Variants in IRF2 observed in about 807,000 individuals in gnomAD.
The protein encoded by IRF2 is interferon regulatory factor 2.
A neutral mutation model predicts 40.6 loss-of-function variants in IRF2; 15 were observed. That is an observed-to-expected ratio of 0.37 (90% confidence interval 0.25 to 0.57). The LOEUF (loss-of-function observed/expected upper bound fraction) is 0.57. Among genes scored for constraint, IRF2 ranks in the 20% least tolerant of loss-of-function variants. The pLI is 0.77. For synonymous variants in IRF2, 151 were observed against 165.5 expected, an observed-to-expected ratio of 0.91 and a Z score of 0.67; for missense variants, 317 against 455.7, an observed-to-expected ratio of 0.70 and a Z score of 2.77.
At chr4:184,457,643 A>G (rs1016230237) in intron 1 of IRF2, among the ~76,000 whole-genome samples, 8 of 152,116 alleles carry the variant, frequency 5.3e-5, no homozygotes, top group Non-Finnish European at 7.4e-5. Flanking sequence ...AACTTATATA[A>G]AAGCACCTCA....
At chr4:184,468,804 G>A (rs972677349) in intron 1 of IRF2, among the ~76,000 whole-genome samples, 1 of 152,162 alleles carries the variant, frequency 6.6e-6, no homozygotes, top group African/African-American at 2.4e-5. Context: ...GGGAAAGGGG[G>A]CTACAGATAG....
rs1016383974 is a variant in IRF2, at chr4:184,413,027, C to A, written c.412-4752G>T. Among the ~76,000 whole-genome samples, 5 of 152,178 alleles carry A rather than the reference C, an allele frequency of 3.3e-5. No individual in the cohort carries two copies. Among genetic ancestry groups the A allele is most frequent in the Non-Finnish European group, 7.4e-5 (5 of 68,018 alleles). On this transcript the variant is annotated intron_variant, in intron 5 of 8. Coordinates refer to ENST00000393593, the MANE Select transcript of IRF2 (RefSeq NM_002199.4). The surrounding 1 kb of genome is among the most constrained non-coding windows in gnomAD (Gnocchi z 4.2). ...CGAAACACCCTCTCCACAAAACGAC[C>A]TGCATTCCCAACACTCGCTTCTGAA... is the stretch of plus-strand genomic sequence containing the variant.
chr4:184,435,378 G>A (rs923219709), intron 1 of IRF2, among the ~76,000 whole-genome samples: 11 of 152,202 alleles, frequency 7.2e-5, no homozygotes, highest in Non-Finnish European at 1.6e-4. Flanking sequence ...CTGTTCCAGA[G>A]ACTTCTAAAT....
intron 1 of IRF2, among the ~76,000 whole-genome samples, chr4:184,435,847 A>G (rs1738055392): frequency 6.6e-6 from 1 of 152,244 alleles, no homozygotes; most frequent in Non-Finnish European, 1.5e-5. Context: ...GCTTTGAATC[A>G]TCTCAATCCC....
chr4:184,463,273 C>G (rs1579116003), intron 1 of IRF2, among the ~76,000 whole-genome samples: 1 of 152,184 alleles, frequency 6.6e-6, no homozygotes, highest in African/African-American at 2.4e-5. Context: ...TCAGTCCTTT[C>G]AGGACTGTAC....
intron 6 of IRF2, among the ~76,000 whole-genome samples, chr4:184,405,182 T>C (rs143601457): frequency 0.023 from 3,534 of 152,230 alleles, 66 homozygotes; most frequent in Non-Finnish European, 0.032. Context: ...AGGCGGAGGT[T>C]GCAGTGAGCC....
At chr4:184,417,236 T>C (rs1737314920) in intron 5 of IRF2, among the ~76,000 whole-genome samples, 1 of 152,186 alleles carries the variant, frequency 6.6e-6, no homozygotes, top group South Asian at 2.1e-4. Context: ...GTCTCCTTCC[T>C]ATGTGCATAA....
At chr4:184,423,888 A>G (rs1003790121) in intron 2 of IRF2, among the ~76,000 whole-genome samples, 2 of 152,232 alleles carry the variant, frequency 1.3e-5, no homozygotes, top group African/African-American at 4.8e-5. Context: ...CAACTGTAAA[A>G]AGATTATTTG....
At chr4:184,429,750 C>T (rs193106308) in intron 1 of IRF2, among the ~76,000 whole-genome samples, 1 of 152,262 alleles carries the variant, frequency 6.6e-6, no homozygotes, top group Non-Finnish European at 1.5e-5. Flanking sequence ...CTGACATCAC[C>T]CCCTTTTCCT....
Position 184,408,020 on chromosome 4 carries a change from G to A in IRF2, c.529+138C>T. The A allele has an allele frequency of 6.9e-6, 4 of 576,730 alleles. No homozygotes were observed. In the South Asian group the frequency reaches 7.2e-5, roughly 10 times the overall value. The allele number at this position is 576,730 out of a possible 1,614,324, so 35.7% of individuals were successfully genotyped here. A position where few individuals can be genotyped will look rare whatever the true frequency, so the allele number is the denominator to read the frequency against. On this transcript the variant is annotated intron_variant, in intron 6 of 8. Coordinates refer to ENST00000393593, the MANE Select transcript of IRF2 (RefSeq NM_002199.4). This position sits in a 1 kb window ranked among gnomAD's most constrained non-coding sequence, Gnocchi z 4.9. ...CTTCGTTTCTCAGCCTTGAAATCTG[G>A]GGGCTGGAACTTGCATTCTGAGATG...
At chr4:184,470,710 G>GA (rs78540430) in intron 1 of IRF2, among the ~76,000 whole-genome samples, 1 of 134,514 alleles carries the variant, frequency 7.4e-6, no homozygotes, top group Non-Finnish European at 1.6e-5. Flanking sequence ...AAAAAGAAAA[G>GA]AAAAAAAAGG....
At chr4:184,471,244 T>C (rs1392523263) in intron 1 of IRF2, among the ~76,000 whole-genome samples, 2 of 152,220 alleles carry the variant, frequency 1.3e-5, no homozygotes, top group South Asian at 2.1e-4. Flanking sequence ...TTACGAGATA[T>C]AGTTAAAAAT....
chr4:184,411,076 G>A (rs1405070386), intron 5 of IRF2, among the ~76,000 whole-genome samples: 1 of 90,100 alleles, frequency 1.1e-5, no homozygotes, highest in Non-Finnish European at 2.3e-5. Flanking sequence ...TTTTTTTTTT[G>A]ACATGGGGTG....
chr4:184,424,930 C>T (rs1737614754), intron 2 of IRF2, among the ~76,000 whole-genome samples: 1 of 152,200 alleles, frequency 6.6e-6, no homozygotes, highest in South Asian at 2.1e-4. Context: ...TGTTGCTCCC[C>T]TTCAAATCCA....
At chr4:184,462,922 T>A (rs1739195132) in intron 1 of IRF2, among the ~76,000 whole-genome samples, 1 of 152,266 alleles carries the variant, frequency 6.6e-6, no homozygotes, top group Admixed American at 6.5e-5. Context: ...AATAAACTAA[T>A]ATTTATCTAG....
rs973176004 is a variant in IRF2, at chr4:184,448,288, T to C, written c.-6-19218A>G. Among the ~76,000 whole-genome samples the C allele has an allele frequency of 4.6e-5, 7 of 152,210 alleles. No homozygotes were observed. Among genetic ancestry groups the C allele is most frequent in the Non-Finnish European group, 1.0e-4 (7 of 68,038 alleles). Reference sequence around the variant, plus strand: ...CTTAAATGAAGCTGCTGGCGGTTTATTCGTCCTCCGTGCACCAGGATGGTA... The same window carrying C: ...CTTAAATGAAGCTGCTGGCGGTTTACTCGTCCTCCGTGCACCAGGATGGTA... On this transcript the variant is annotated intron_variant, in intron 1 of 8. Transcript: ENST00000393593. This position sits in a 1 kb window ranked among gnomAD's most constrained non-coding sequence, Gnocchi z 4.3.
chr4:184,441,955 C>T (rs1219172982), intron 1 of IRF2, among the ~76,000 whole-genome samples: 1 of 152,236 alleles, frequency 6.6e-6, no homozygotes, highest in South Asian at 2.1e-4. Flanking sequence ...CTCGCACAGG[C>T]AGGCCAAACT....
chr4:184,460,645 A>G (rs961401925), intron 1 of IRF2, among the ~76,000 whole-genome samples: 11 of 139,242 alleles, frequency 7.9e-5, no homozygotes, highest in Admixed American at 1.5e-4. Flanking sequence ...ATGCACGCAC[A>G]CACACACACA....
Position 184,437,831 on chromosome 4 carries a change from C to CA in IRF2, c.-6-8762dup, listed in dbSNP as rs35659512. On this transcript the variant is annotated intron_variant, in intron 1 of 8. Transcript: ENST00000393593. Reference sequence around the variant, plus strand: ...TCAGGACAGTGGCTATTGGAACGTACAAAAAAAAAAAAAAAAACCCACACA... The same window carrying CA: ...TCAGGACAGTGGCTATTGGAACGTACAAAAAAAAAAAAAAAAAACCCACACA... 8.8e-3 allele frequency among the ~76,000 whole-genome samples: 1,059 copies of CA among 120,520 alleles called. 16 individuals carry two copies. Among genetic ancestry groups the CA allele is most frequent in the African/African-American group, 0.026 (894 of 34,332 alleles). The allele number at this position is 120,520 out of a possible 152,430, so 79.1% of individuals were successfully genotyped here.
Sources: gnomAD v4.1 joint callset for allele counts (sites outside exome capture counted in the v4.1 genomes callset) on GRCh38, gnomAD v4.1.1 for gene constraint, Gnocchi (gnomAD v3.1) non-coding constraint, MANE v1.5 for transcripts, NCBI Gene and HGNC (gene_info 2026-07-23, HGNC 2026-07-21) for gene names.